The following MAML3 variants were observed in gnomAD, a reference collection of about 807,000 sequenced individuals.
The protein encoded by MAML3 is mastermind like transcriptional coactivator 3, also known as mastermind-like protein 3.
A neutral mutation model predicts 101.9 loss-of-function variants in MAML3; 27 were observed. The ratio of observed to expected loss-of-function variants is 0.27; its 90% confidence interval spans 0.20 to 0.37. The LOEUF (loss-of-function observed/expected upper bound fraction) is 0.37. Ranked by LOEUF, MAML3 falls within the 10% of genes least tolerant of loss-of-function variation. MAML3 has a pLI of 1.00. For synonymous variants in MAML3, 501 were observed against 555.9 expected, an observed-to-expected ratio of 0.90 and a Z score of 1.39; for missense variants, 1,316 against 1,444.9, an observed-to-expected ratio of 0.91 and a Z score of 1.45.
intron 2 of MAML3, among the ~76,000 whole-genome samples, chr4:139,784,831 A>C (rs1413283837): frequency 6.6e-6 from 1 of 152,186 alleles, no homozygotes. Context: ...TCACCAGAGA[A>C]AGATCCTGGA....
Position 139,889,909 on chromosome 4 carries a change from T to TTGCTGCTGTTGC in MAML3, c.1526_1527insGCAACAGCAGCA (p.Gln507_Gln510dup). On this transcript the variant is annotated inframe_insertion, in exon 2 of 5. Coordinates refer to ENST00000509479, the MANE Select transcript of MAML3 (RefSeq NM_018717.5). Reference sequence around the variant, plus strand: ...AATTTGAAGTCTGATTTGAGTGCTGTTGCTGCTGCTGCTGCTGCTGCTGCT... The same window carrying TTGCTGCTGTTGC: ...AATTTGAAGTCTGATTTGAGTGCTGTTGCTGCTGTTGCTGCTGCTGCTGCTGCTGCTGCTGCT... 1.4e-6 allele frequency: 2 copies of TTGCTGCTGTTGC among 1,475,942 alleles called. No homozygotes were observed. Among genetic ancestry groups the TTGCTGCTGTTGC allele is most frequent in the Non-Finnish European group, 1.8e-6 (2 of 1,092,572 alleles). 91.4% of individuals were successfully genotyped at this position (1,475,942 alleles called of 1,614,324 possible).
chr4:139,895,434 G>A (rs982594491), intron 1 of MAML3, among the ~76,000 whole-genome samples: 2 of 152,092 alleles, frequency 1.3e-5, no homozygotes, highest in African/African-American at 4.8e-5. Flanking sequence ...CTAAGCCTTG[G>A]TTTCCTTACC....
At chr4:139,989,372 C>T (rs546589271) in intron 1 of MAML3, among the ~76,000 whole-genome samples, 2 of 152,152 alleles carry the variant, frequency 1.3e-5, no homozygotes, top group Non-Finnish European at 2.9e-5. Flanking sequence ...TCAGAACCAT[C>T]GGCCTCCCCT....
chr4:139,907,460 T>C (rs889398237), intron 1 of MAML3, among the ~76,000 whole-genome samples: 4 of 152,240 alleles, frequency 2.6e-5, no homozygotes, highest in Admixed American at 2.6e-4. Flanking sequence ...AGAACAAGAA[T>C]TCATTACATT....
At chr4:139,885,918 G>GA (rs1560824471) in intron 2 of MAML3, among the ~76,000 whole-genome samples, 1 of 113,926 alleles carries the variant, frequency 8.8e-6, no homozygotes, top group Non-Finnish European at 1.8e-5. Context: ...GGGCGACAGG[G>GA]CAAGACTCCG....
intron 1 of MAML3, among the ~76,000 whole-genome samples, chr4:139,987,301 C>G (rs1002026401): frequency 6.6e-6 from 1 of 152,138 alleles, no homozygotes; most frequent in African/African-American, 2.4e-5. Flanking sequence ...AAGCAAACAG[C>G]CTCAAAGAAA....
At chr4:139,984,124 G>A (rs2110814258) in intron 1 of MAML3, among the ~76,000 whole-genome samples, 1 of 152,266 alleles carries the variant, frequency 6.6e-6, no homozygotes. Flanking sequence ...TCAGGAAGTG[G>A]GGGCCAGAAC....
intron 1 of MAML3, among the ~76,000 whole-genome samples, chr4:139,895,329 A>G (rs1032870100): frequency 6.6e-6 from 1 of 152,230 alleles, no homozygotes; most frequent in African/African-American, 2.4e-5. Flanking sequence ...AAGTTACATG[A>G]AGGCAGGGGT....
intron 1 of MAML3, among the ~76,000 whole-genome samples, chr4:140,144,694 A>G (rs1729028152): frequency 6.6e-6 from 1 of 152,184 alleles, no homozygotes; most frequent in Non-Finnish European, 1.5e-5. Context: ...TCTTAAAAAT[A>G]TATATTCGAG....
intron 1 of MAML3, among the ~76,000 whole-genome samples, chr4:139,906,242 T>C (rs1014529199): frequency 6.6e-6 from 1 of 152,196 alleles, no homozygotes; most frequent in Non-Finnish European, 1.5e-5. Context: ...TATGGGTGCA[T>C]ACCACCTGCC....
intron 1 of MAML3, among the ~76,000 whole-genome samples, chr4:139,983,277 A>G (rs1734479411): frequency 6.6e-6 from 1 of 152,072 alleles, no homozygotes. Context: ...TTCCTCCCAA[A>G]TCCCTGGCAA....
chr4:140,088,071 A>T (rs975292830), intron 1 of MAML3, among the ~76,000 whole-genome samples: 12 of 152,128 alleles, frequency 7.9e-5, no homozygotes, highest in Non-Finnish European at 1.3e-4. Context: ...TCCAAAAAAA[A>T]TTTAAAAAAT....
At chr4:139,956,029 T>G (rs771144961) in intron 1 of MAML3, among the ~76,000 whole-genome samples, 14 of 152,236 alleles carry the variant, frequency 9.2e-5, no homozygotes, top group Non-Finnish European at 1.0e-4. Context: ...TTTGTTACTG[T>G]GGCACAACCT....
chr4:139,721,826 A>G (rs562018778), intron 4 of MAML3, among the ~76,000 whole-genome samples: 2 of 152,330 alleles, frequency 1.3e-5, no homozygotes, highest in South Asian at 4.1e-4. Flanking sequence ...GTTCCTAGTA[A>G]AACACTGGAA....
At chr4:140,101,745 G>A (rs1047858224) in intron 1 of MAML3, among the ~76,000 whole-genome samples, 1 of 151,982 alleles carries the variant, frequency 6.6e-6, no homozygotes, top group Non-Finnish European at 1.5e-5. Context: ...CCAAAAAAAG[G>A]CTAGGTAAAC....
chr4:140,009,457 C>T (rs1726513095), intron 1 of MAML3, among the ~76,000 whole-genome samples: 1 of 152,176 alleles, frequency 6.6e-6, no homozygotes, highest in South Asian at 2.1e-4. Context: ...TGTCTGTGGG[C>T]AATCTTATTC....
At chr4:140,078,004 A>T (rs1727799606) in intron 1 of MAML3, among the ~76,000 whole-genome samples, 1 of 145,314 alleles carries the variant, frequency 6.9e-6, no homozygotes, top group Admixed American at 7.1e-5. Context: ...GCAACAGAGC[A>T]AGACTCCGTC....
chr4:139,726,604 T>C (rs1374920334), intron 3 of MAML3, among the ~76,000 whole-genome samples: 1 of 152,198 alleles, frequency 6.6e-6, no homozygotes, highest in Non-Finnish European at 1.5e-5. Context: ...CATAGGAAGA[T>C]GACATCCTCA....
chr4:140,038,611 C>T (rs889263468), intron 1 of MAML3, among the ~76,000 whole-genome samples: 2 of 152,212 alleles, frequency 1.3e-5, no homozygotes, highest in East Asian at 1.9e-4. Context: ...ACTTACTACA[C>T]GTGTGACTTT....
Sources: gnomAD v4.1 joint callset for allele counts (sites outside exome capture counted in the v4.1 genomes callset) on GRCh38, gnomAD v4.1.1 for gene constraint, MANE v1.5 for transcripts, NCBI Gene and HGNC (gene_info 2026-07-23, HGNC 2026-07-21) for gene names.